Variants in ACCSL observed in about 807,000 individuals in gnomAD.
ACCSL encodes probable inactive 1-aminocyclopropane-1-carboxylate synthase-like protein 2.
Under a neutral mutation model 61.7 loss-of-function variants are expected in ACCSL, and 55 were observed. That is an observed-to-expected ratio of 0.89 (90% CI 0.72 to 1.12). The LOEUF (loss-of-function observed/expected upper bound fraction) is 1.12, where lower values mean the gene tolerates loss of function less well. ACCSL is among the 50% of genes most tolerant of loss of function. ACCSL has a pLI of 0.00. For synonymous variants in ACCSL, 258 were observed against 264.3 expected (o/e 0.98, Z 0.23); for missense variants, 632 against 698.0 (o/e 0.91, Z 1.07).
At chr11:44,056,506 GGGTGT>G (rs1952672645) in intron 11 of ACCSL, among the ~76,000 whole-genome samples, 180 bp downstream of exon 11, 1 of 152,232 alleles carries the variant, frequency 6.6e-6, no homozygotes, top group East Asian at 1.9e-4. Context: ...TAACACAGCA[GGGTGT>G]AGGCAGAAGA....
the ACCSL span, among the ~76,000 whole-genome samples, chr11:43,990,985 C>T: frequency 6.6e-6 from 1 of 151,880 alleles, no homozygotes; most frequent in South Asian, 2.1e-4. Context: ...GCAGGAGAAT[C>T]ACTTGAACCC....
chr11:43,929,126 GAC>G, the ACCSL span, among the ~76,000 whole-genome samples: 1 of 152,232 alleles, frequency 6.6e-6, no homozygotes, highest in South Asian at 2.1e-4. Context: ...AATTGAGAGA[GAC>G]AAAATGTATC....
At chr11:44,019,660 G>C in the ACCSL span, among the ~76,000 whole-genome samples, 1,363 of 152,262 alleles carry the variant, frequency 9.0e-3, 30 homozygotes, top group East Asian at 0.065. Flanking sequence ...ACCTTTATCA[G>C]ATATATGATT....
At chr11:43,930,750 T>A in the ACCSL span, among the ~76,000 whole-genome samples, 28 of 152,192 alleles carry the variant, frequency 1.8e-4, no homozygotes, top group East Asian at 4.3e-3. Flanking sequence ...CAAACCAACT[T>A]AAAAATTGTT....
chr11:43,942,824 T>C, the ACCSL span: 2 of 1,067,510 alleles, frequency 1.9e-6, no homozygotes, highest in Non-Finnish European at 2.3e-6. Context: ...GGCTGCTGCC[T>C]CCCGGGGGGC....
At chr11:43,943,036 G>A in the ACCSL span, 8 of 1,500,782 alleles carry the variant, frequency 5.3e-6, no homozygotes, top group Admixed American at 1.8e-4. The surrounding 1 kb of genome is among the most constrained non-coding windows in gnomAD (Gnocchi z 4.8). Flanking sequence ...GCCGGGGCCG[G>A]CTGCGGCGGC....
the ACCSL span, among the ~76,000 whole-genome samples, chr11:43,983,976 C>T: frequency 6.6e-6 from 1 of 152,036 alleles, no homozygotes; most frequent in African/African-American, 2.4e-5. Context: ...ATTAGCCAGG[C>T]ATGGTGGTGC....
chr11:44,053,018 C>T lies in ACCSL; in HGVS notation c.898C>T (p.Gln300Ter). The change falls in exon 7 of 14, where the codon CAG (glutamine) becomes TAG (stop). Residue 300 changes from glutamine (Q) to a stop codon, truncating the protein, a stop_gained. Coordinates refer to ENST00000378832, the MANE Select transcript of ACCSL (RefSeq NM_001031854.2). LOFTEE classifies it high-confidence loss of function. ...CACTGTTACAAACACCCATCCTTTC[C>T]AGCTCACTGTGGACAAGTTAGAGGA... ...EVTVTNTHPF[Q>*]LTVDKLEEAL... 6.2e-7 allele frequency: 1 copy of T among 1,614,174 alleles called. No homozygotes were observed. Among genetic ancestry groups the T allele is most frequent in the Non-Finnish European group, 8.5e-7 (1 of 1,180,020 alleles).
chr11:43,970,182 C>T, the ACCSL span, among the ~76,000 whole-genome samples: 2 of 151,888 alleles, frequency 1.3e-5, no homozygotes, highest in African/African-American at 4.8e-5. Flanking sequence ...GTGGGAGGAT[C>T]GCTCGAGTGA....
At position 44,051,413 on chromosome 11, in the gene ACCSL, G is replaced by A; in HGVS notation, c.705+9G>A. On this transcript the variant is annotated intron_variant, in intron 4 of 13. Transcript: ENST00000378832. Reference sequence around the variant, plus strand: ...GACTTGACCCAGAAAATGTGAGTCAGTTTCCCAGCCTTGCTGCCACCCTGG... The same window carrying A: ...GACTTGACCCAGAAAATGTGAGTCAATTTCCCAGCCTTGCTGCCACCCTGG... The A allele has an allele frequency of 6.2e-7, 1 of 1,614,152 alleles. No individual in the cohort carries two copies. Among genetic ancestry groups the A allele is most frequent in the African/African-American group, 1.3e-5 (1 of 75,036 alleles).
Position 44,053,586 on chromosome 11 carries a change from G to C in ACCSL, c.1049+80G>C. 15 of 1,335,340 alleles carry C rather than the reference G, an allele frequency of 1.1e-5. No individual in the cohort carries two copies. The South Asian group carries it at 1.7e-4, about 15-fold the overall frequency. 82.7% of individuals were successfully genotyped at this position (1,335,340 alleles called of 1,614,324 possible). A position where few individuals can be genotyped will look rare whatever the true frequency, so the allele number is the denominator to read the frequency against. On this transcript the variant is annotated intron_variant, in intron 8 of 13. Coordinates refer to ENST00000378832, the MANE Select transcript of ACCSL (RefSeq NM_001031854.2). ...CTTATAGTCAAGTAATCAAGAGCCA[G>C]ATCTGGTGGCACATGCCTGTAATCC...
chr11:43,932,192 T>G, the ACCSL span, among the ~76,000 whole-genome samples: 1 of 152,268 alleles, frequency 6.6e-6, no homozygotes, highest in Non-Finnish European at 1.5e-5. Flanking sequence ...GAGATCCTCA[T>G]GACTGCCACC....
At chr11:44,009,566 G>C in the ACCSL span, among the ~76,000 whole-genome samples, 1 of 152,120 alleles carries the variant, frequency 6.6e-6, no homozygotes, top group East Asian at 1.9e-4. Context: ...AGGAGTTTGA[G>C]ACCAGCCTCG....
At chr11:44,044,994 C>A (rs549118947), upstream of ACCSL, among the ~76,000 whole-genome samples, 222 of 152,284 alleles carry the variant, frequency 1.5e-3, 3 homozygotes, top group Non-Finnish European at 1.9e-3. Flanking sequence ...CGGTACCAGA[C>A]AACTTAGGGC....
the ACCSL span, among the ~76,000 whole-genome samples, chr11:44,026,194 G>T: frequency 6.6e-6 from 1 of 152,076 alleles, no homozygotes; most frequent in Non-Finnish European, 1.5e-5. Flanking sequence ...TTTGTCACAG[G>T]TCTCTGTTTG....
At chr11:43,925,512 G>C in the ACCSL span, 2 of 450,806 alleles carry the variant, frequency 4.4e-6, no homozygotes, top group Non-Finnish European at 8.9e-6. Context: ...GCTGAGCTCT[G>C]CACCAACCGA....
the ACCSL span, among the ~76,000 whole-genome samples, chr11:43,975,277 G>C: frequency 6.6e-6 from 1 of 152,188 alleles, no homozygotes; most frequent in South Asian, 2.1e-4. Flanking sequence ...TGATACATTT[G>C]ATAATTCTAA....
At chr11:44,002,516 G>A in the ACCSL span, among the ~76,000 whole-genome samples, 5 of 152,178 alleles carry the variant, frequency 3.3e-5, no homozygotes, top group Admixed American at 1.3e-4. Context: ...GATGGCCAAA[G>A]TCATCCCTGG....
chr11:43,993,453 C>T, the ACCSL span, among the ~76,000 whole-genome samples: 2 of 152,120 alleles, frequency 1.3e-5, no homozygotes, highest in South Asian at 2.1e-4. Flanking sequence ...ACATCCTGGC[C>T]GCTCGGATGG....
Sources: allele counts gnomAD v4.1 joint callset (sites outside exome capture counted in the v4.1 genomes callset), GRCh38; gene constraint gnomAD v4.1.1; non-coding constraint Gnocchi (gnomAD v3.1); transcripts MANE v1.5; gene names NCBI Gene and HGNC (gene_info 2026-07-23, HGNC 2026-07-21).